Variants in ATP8B3 observed in about 807,000 individuals in gnomAD.
ATP8B3 encodes ATPase phospholipid transporting 8B3, also known as phospholipid-transporting ATPase IK.
Under a neutral mutation model 140.9 loss-of-function variants are expected in ATP8B3, and 141 were observed. The ratio of observed to expected loss-of-function variants is 1.00; its 90% CI spans 0.87 to 1.15. The LOEUF is 1.15. ATP8B3 is among the 50% of genes most tolerant of loss of function. The pLI, the probability that ATP8B3 is intolerant of heterozygous loss-of-function variation, is 0.00. For synonymous variants in ATP8B3, 765 were observed against 714.6 expected, an observed-to-expected ratio of 1.07 and a Z score of -1.13; for missense variants, 1,874 against 1,740.6, an observed-to-expected ratio of 1.08 and a Z score of -1.36.
chr19:1,789,409 C>A lies in ATP8B3; in HGVS notation c.2797G>T (p.Val933Leu), dbSNP rs1354067619. 1 of 1,596,606 alleles carries A rather than the reference C, an allele frequency of 6.3e-7. No individual in the cohort carries two copies. The highest frequency in any genetic ancestry group is 8.5e-7 in the Non-Finnish European group (1 of 1,176,324). ...GCACCGTCCCCGATGGCCAGGGTCA[C>A]CACCTGGTGGTACTTCTTGACCAGG... ...VALVKKYHQV[V>L]TLAIGDGAND... Residue 933 changes from valine (V) to leucine (L), a missense_variant, in exon 23 of 29, where the codon GTG becomes TTG. By Grantham distance (32) the Val-to-Leu change is conservative. Transcript: ENST00000310127.
intron 4 of ATP8B3, among the ~76,000 whole-genome samples, chr19:1,809,361 A>G (rs191863290): frequency 6.6e-6 from 1 of 151,014 alleles, no homozygotes; most frequent in Admixed American, 6.6e-5. Context: ...CATGCCTGTA[A>G]TCCCAGCTAC....
intron 18 of ATP8B3, among the ~76,000 whole-genome samples, chr19:1,795,640 G>GGT (rs1298449361): frequency 2.6e-5 from 4 of 152,034 alleles, no homozygotes; most frequent in Non-Finnish European, 5.9e-5. Flanking sequence ...CCTCCCAGCC[G>GGT]GTGTGTGTGT....
intron 10 of ATP8B3, among the ~76,000 whole-genome samples, chr19:1,803,742 C>T (rs2068924283): frequency 1.3e-5 from 2 of 151,812 alleles, no homozygotes; most frequent in Admixed American, 1.3e-4. Flanking sequence ...ACTGAAAATA[C>T]AAAATTAGCT....
chr19:1,782,381 C>A lies in ATP8B3; in HGVS notation c.*647G>T. 1 of 242,708 alleles carries A rather than the reference C, an allele frequency of 4.1e-6. No individual in the cohort carries two copies. 15.0% of individuals were successfully genotyped at this position (242,708 alleles called of 1,614,324 possible). A position where few individuals can be genotyped will look rare whatever the true frequency, so the allele number is the denominator to read the frequency against. On this transcript the variant is annotated 3_prime_UTR_variant, in exon 29 of 29. Coordinates refer to ENST00000310127, the MANE Select transcript of ATP8B3 (RefSeq NM_138813.4). ...CTGCTCCTCCCCGGGCACCAGCAGC[C>A]ACTCCATGGATGATGATGACTGCTT... is the stretch of plus-strand genomic sequence containing the variant.
In ATP8B3 at chr19:1,807,922, C is replaced by T. The variant is rs980115621; in HGVS notation, c.516+300G>A. On this transcript the variant is annotated intron_variant, in intron 5 of 28. Coordinates refer to ENST00000310127, the MANE Select transcript of ATP8B3 (RefSeq NM_138813.4). The surrounding 1 kb of genome is among the most constrained non-coding windows in gnomAD (Gnocchi z 5.9). ...GCGGGGGCCAGGGGAGCTGCGTGGC[C>T]GAGGCCGTTTAGGCTGGGGAACAGC... 6.6e-5 allele frequency among the ~76,000 whole-genome samples: 10 copies of T among 152,236 alleles called. No homozygotes were observed. The highest frequency in any genetic ancestry group is 2.6e-4 in the Admixed American group (4 of 15,294).
chr19:1,809,787 C>A, intron 3 of ATP8B3, 53 bp from the exon 4 acceptor site: 2 of 1,510,754 alleles, frequency 1.3e-6, no homozygotes, highest in South Asian at 2.4e-5. Context: ...GACAAACACC[C>A]CTAATGACCG....
intron 14 of ATP8B3, 79 bp from the exon 15 acceptor site, chr19:1,797,084 C>T: frequency 1.9e-6 from 3 of 1,595,344 alleles, no homozygotes; most frequent in South Asian, 2.3e-5. Flanking sequence ...CCCCTAGTTT[C>T]AGGCTTCCGG....
chr19:1,793,831 C>T (rs2068589647), intron 18 of ATP8B3, among the ~76,000 whole-genome samples: 1 of 152,128 alleles, frequency 6.6e-6, no homozygotes, highest in Admixed American at 6.6e-5. Flanking sequence ...CAAGCTCTGC[C>T]TCCCGGGTTC....
rs1180241593 is a variant in ATP8B3 at position 1,794,443 on chromosome 19, A to T, written c.2055+1432T>A. 3.3e-5 allele frequency among the ~76,000 whole-genome samples: 5 copies of T among 151,636 alleles called. No individual in the cohort carries two copies. The highest frequency in any genetic ancestry group is 1.2e-4 in the African/African-American group (5 of 41,286). ...AGCAGGGGACACAGGACATCTTCCC[A>T]CACACACCCCGCTGCCCTGTGCTCC... is the stretch of plus-strand genomic sequence containing the variant. On this transcript the variant is annotated intron_variant, in intron 18 of 28. Transcript: ENST00000310127. The surrounding 1 kb of genome is among the most constrained non-coding windows in gnomAD (Gnocchi z 4.8).
chr19:1,809,654 TC>T lies in ATP8B3; in HGVS notation c.390del (p.Lys131ArgfsTer21). On this transcript the variant is annotated frameshift_variant, in exon 4 of 29. Coordinates refer to ENST00000310127, the MANE Select transcript of ATP8B3 (RefSeq NM_138813.4). LOFTEE classifies it high-confidence loss of function. ...FKEKVILCWQ[R>X]KKYKTNVIRT... Reference sequence around the variant, plus strand: ...GAGGGGCCGCCCACCTTGTATTTCTTCCTTTGCCAGCACAGGATCACCTTCT... The same window carrying T: ...GAGGGGCCGCCCACCTTGTATTTCTTCTTTGCCAGCACAGGATCACCTTCT... The T allele has an allele frequency of 6.2e-7, 1 of 1,609,120 alleles. No individual in the cohort carries two copies. Among genetic ancestry groups the T allele is most frequent in the Non-Finnish European group, 8.5e-7 (1 of 1,178,122 alleles).
chr19:1,795,889 CTG>C lies in ATP8B3; in HGVS notation c.2039_2040del (p.Thr680ArgfsTer24). On this transcript the variant is annotated frameshift_variant, in exon 18 of 29. Transcript: ENST00000310127. LOFTEE classifies it high-confidence loss of function. The part of the protein sequence containing the change: ...LHRRGAMEFA[T>X]EEALAAFAQE... ...AAGGGACTCACAGCCAAGGCCTCCTCTGTGGCAAATTCCATTGCCCCCCTCCT... is the reference window on the plus strand; with the variant it reads ...AAGGGACTCACAGCCAAGGCCTCCTCTGGCAAATTCCATTGCCCCCCTCCT... The C allele has an allele frequency of 6.2e-7, 1 of 1,612,418 alleles. No homozygotes were observed.
In ATP8B3 at chr19:1,809,637, G is replaced by T. The variant is rs779042306; in HGVS notation, c.402+6C>A. The T allele has an allele frequency of 1.6e-5, 26 of 1,599,616 alleles. No homozygotes were observed. Among genetic ancestry groups the T allele is most frequent in the Non-Finnish European group, 2.2e-5 (26 of 1,173,430 alleles). Reference sequence around the variant, plus strand: ...GGAGCAGGGAGGCGCGGGAGGGGCCGCCCACCTTGTATTTCTTCCTTTGCC... The same window carrying T: ...GGAGCAGGGAGGCGCGGGAGGGGCCTCCCACCTTGTATTTCTTCCTTTGCC... On this transcript the variant is annotated splice_donor_region_variant and intron_variant, in intron 4 of 28. Transcript: ENST00000310127.
chr19:1,797,138 A>G (rs955548885), intron 14 of ATP8B3, 133 bp from the exon 15 acceptor site: 24 of 1,388,900 alleles, frequency 1.7e-5, no homozygotes, highest in Non-Finnish European at 2.4e-5. Flanking sequence ...TGGCCCTGGA[A>G]CCGACACCCC....
intron 16 of ATP8B3, 42 bp downstream of exon 16, chr19:1,796,669 G>A (rs1214233105): frequency 6.3e-7 from 1 of 1,590,202 alleles, no homozygotes; most frequent in Admixed American, 1.7e-5. Flanking sequence ...CCGTGCCCCG[G>A]GGGCTGAGCG....
At position 1,800,234 on chromosome 19, in the gene ATP8B3, G is replaced by A. The variant is rs370911458; in HGVS notation, c.1343+25C>T. ...TGCCTCCCCGTTCCGCGTTTGCACC[G>A]GGGACGCAGCCGGCGGAGACTCACA... On this transcript the variant is annotated intron_variant, in intron 13 of 28. Transcript: ENST00000310127. The surrounding 1 kb of genome is among the most constrained non-coding windows in gnomAD (Gnocchi z 4.4). The A allele has an allele frequency of 2.7e-5, 44 of 1,606,392 alleles. No homozygotes were observed. The highest frequency in any genetic ancestry group is 5.1e-5 in the Admixed American group (3 of 59,048).
chr19:1,793,351 C>A (rs1019326621), intron 18 of ATP8B3, among the ~76,000 whole-genome samples: 1 of 152,194 alleles, frequency 6.6e-6, no homozygotes. Flanking sequence ...AAGCTGCACA[C>A]CTGAGCCTCA....
chr19:1,789,641 C>T lies in ATP8B3; in HGVS notation c.2565G>A (p.Gln855=), dbSNP rs1391277412. ...NMDEAWQELG[Q]SRRDFLYARR... The stretch of plus-strand genomic sequence containing the variant: ...TGGCGTAGAGGAAATCCCTCCTGGA[C>T]TGGCCGAGCTCCTGCCACGCCTCGT... Residue 855 remains glutamine (Q), a synonymous_variant, in exon 23 of 29, where the codon CAG becomes CAA. Transcript: ENST00000310127. 10 of 1,596,624 alleles carry T rather than the reference C, an allele frequency of 6.3e-6. No homozygotes were observed. Among genetic ancestry groups the T allele is most frequent in the African/African-American group, 1.3e-5 (1 of 74,638 alleles).
rs994470247 is a variant in ATP8B3 at position 1,802,035 on chromosome 19, G to A, written c.1073C>T (p.Thr358Ile). The change falls in exon 12 of 29, where the codon ACA becomes ATA. Residue 358 changes from threonine to isoleucine, a missense_variant. Coordinates refer to ENST00000310127, the MANE Select transcript of ATP8B3 (RefSeq NM_138813.4). ...CTTGCCACAGTTCTTCATAATTTTT[G>A]TGTCAAAACCTACAAACATGTATCC... The part of the protein sequence containing the change: ...YGLVIYAGFD[T>I]KIMKNCGKIH... The A allele has an allele frequency of 1.9e-6, 3 of 1,610,690 alleles. No individual in the cohort carries two copies. Among genetic ancestry groups the A allele is most frequent in the South Asian group, 2.2e-5 (2 of 90,918 alleles).
intron 4 of ATP8B3, among the ~76,000 whole-genome samples, chr19:1,808,911 C>A (rs2069106708): frequency 6.6e-6 from 1 of 152,164 alleles, no homozygotes; most frequent in South Asian, 2.1e-4. Flanking sequence ...GGTGGCTCAC[C>A]CCTGTAATCC....
Sources: gnomAD v4.1 joint callset for allele counts (sites outside exome capture counted in the v4.1 genomes callset) on GRCh38, gnomAD v4.1.1 for gene constraint, Gnocchi (gnomAD v3.1) non-coding constraint, MANE v1.5 for transcripts, NCBI Gene and HGNC (gene_info 2026-07-23, HGNC 2026-07-21) for gene names.